Variants in ELAPOR2 observed in about 807,000 individuals in gnomAD.
The protein encoded by ELAPOR2 is endosome/lysosome-associated apoptosis and autophagy regulator family member 2.
ELAPOR2 carries 89 observed loss-of-function variants against 120.7 expected under a neutral mutation model. The observed-to-expected ratio is 0.74, with a 90% CI of 0.62 to 0.88. The LOEUF is 0.88. ELAPOR2 is among the 40% of genes least tolerant of loss of function. The pLI is 0.00. For missense variants in ELAPOR2, 1,134 were observed against 1,251.6 expected, an observed-to-expected ratio of 0.91 and a Z score of 1.42; for synonymous variants, 444 against 444.9, an observed-to-expected ratio of 1.00 and a Z score of 0.03.
chr7:87,023,581 G>GT (rs1335962365), intron 1 of ELAPOR2, among the ~76,000 whole-genome samples: 9 of 152,136 alleles, frequency 5.9e-5, no homozygotes, highest in African/African-American at 2.2e-4. Flanking sequence ...CTTTAAAGTA[G>GT]TTTTTTCCAG....
At chr7:87,040,413 G>C (rs932538657) in intron 1 of ELAPOR2, among the ~76,000 whole-genome samples, 13 of 152,346 alleles carry the variant, frequency 8.5e-5, no homozygotes, top group African/African-American at 2.2e-4. Context: ...CCAGCACGCA[G>C]CTGGAGATCT....
chr7:86,903,992 C>T (rs1386707700), intron 18 of ELAPOR2, among the ~76,000 whole-genome samples: 1 of 152,008 alleles, frequency 6.6e-6, no homozygotes, highest in African/African-American at 2.4e-5. Flanking sequence ...AAATCTCTGC[C>T]CATGAGGAAT....
intron 1 of ELAPOR2, among the ~76,000 whole-genome samples, chr7:87,005,397 A>T (rs1299111323): frequency 6.6e-6 from 1 of 151,886 alleles, no homozygotes; most frequent in Non-Finnish European, 1.5e-5. Flanking sequence ...TGAGAGAAGA[A>T]AATGGCATAT....
At chr7:87,032,558 A>G (rs1213662125) in intron 1 of ELAPOR2, among the ~76,000 whole-genome samples, 1 of 152,184 alleles carries the variant, frequency 6.6e-6, no homozygotes, top group Non-Finnish European at 1.5e-5. Flanking sequence ...ATGACATCAG[A>G]CTAACAAATC....
chr7:86,917,671 A>T (rs1429055327), intron 12 of ELAPOR2, among the ~76,000 whole-genome samples: 3 of 152,172 alleles, frequency 2.0e-5, no homozygotes, highest in Non-Finnish European at 2.9e-5. Context: ...CAAAGTGGAT[A>T]CTTTTTTTCA....
In ELAPOR2 at chr7:86,925,612, C is replaced by T. The variant is rs767602456; in HGVS notation, c.1315G>A (p.Glu439Lys). ...PAGTEPALGF[E>K]YKWWNVLPGN... is the part of the protein sequence containing the mutation. The stretch of plus-strand genomic sequence containing the variant: ...GGAAGGACATTCCACCATTTATATT[C>T]AAAGCCAAGTGCAGGCTCCGTTCCT... Residue 439 changes from glutamate to lysine, a missense_variant, in exon 10 of 22, where the codon GAA becomes AAA. This residue lies in a region of ELAPOR2 where 831 missense variants were observed against 867.6 expected (regional missense o/e 0.96). Coordinates refer to ENST00000450689, the MANE Select transcript of ELAPOR2 (RefSeq NM_001142749.3). The T allele has an allele frequency of 1.2e-6, 2 of 1,612,108 alleles. No individual in the cohort carries two copies. The highest frequency in any genetic ancestry group is 2.2e-5 in the East Asian group (1 of 44,808).
In ELAPOR2 at chr7:86,877,241, A is replaced by C. The variant is rs959523929; in HGVS notation, c.*3230T>G. On this transcript the variant is annotated 3_prime_UTR_variant, in exon 22 of 22. Coordinates refer to ENST00000450689, the MANE Select transcript of ELAPOR2 (RefSeq NM_001142749.3). ...GTAAAAATGTTAAAATAAAAGTAAA[A>C]TCCAGCAAGAGAATAATCTGTAGCC... 2 of 152,196 alleles carry C rather than the reference A, an allele frequency of 1.3e-5. No individual in the cohort carries two copies. The highest frequency in any genetic ancestry group is 4.8e-5 in the African/African-American group (2 of 41,446). 9.4% of individuals were successfully genotyped at this position (152,196 alleles called of 1,614,324 possible).
chr7:87,015,749 C>G (rs966185906), intron 1 of ELAPOR2, among the ~76,000 whole-genome samples: 3 of 152,164 alleles, frequency 2.0e-5, no homozygotes, highest in African/African-American at 7.2e-5. Flanking sequence ...CCCAGCTACT[C>G]AGGAGGCAGA....
At chr7:86,987,456 G>A (rs563684809) in intron 1 of ELAPOR2, among the ~76,000 whole-genome samples, 1 of 152,210 alleles carries the variant, frequency 6.6e-6, no homozygotes, top group East Asian at 1.9e-4. Flanking sequence ...ATCTGACAAA[G>A]GGCTAATATC....
At chr7:86,910,656 T>A (rs571371829) in intron 15 of ELAPOR2, among the ~76,000 whole-genome samples, 1 of 152,092 alleles carries the variant, frequency 6.6e-6, no homozygotes, top group Non-Finnish European at 1.5e-5. Flanking sequence ...ATATAACTTA[T>A]AAAAAATGGA....
At chr7:86,892,499 G>A (rs1487201915) in intron 20 of ELAPOR2, among the ~76,000 whole-genome samples, 2 of 151,988 alleles carry the variant, frequency 1.3e-5, no homozygotes, top group Non-Finnish European at 1.5e-5. Flanking sequence ...TGTGATATTT[G>A]CCTATACACT....
intron 1 of ELAPOR2, among the ~76,000 whole-genome samples, chr7:87,013,915 TGA>T (rs1793777611): frequency 6.6e-6 from 1 of 152,122 alleles, no homozygotes; most frequent in Non-Finnish European, 1.5e-5. Context: ...TGGAGTCACC[TGA>T]CACACACATT....
intron 15 of ELAPOR2, 76 bp downstream of exon 15, chr7:86,911,996 G>T: frequency 2.2e-6 from 3 of 1,377,434 alleles, no homozygotes; most frequent in Non-Finnish European, 2.0e-6. Context: ...GAATTTATTG[G>T]TCCATTAACA....
intron 1 of ELAPOR2, among the ~76,000 whole-genome samples, chr7:87,037,091 C>T (rs1241195677): frequency 6.6e-6 from 1 of 152,042 alleles, no homozygotes; most frequent in Non-Finnish European, 1.5e-5. Context: ...TCCTCAAATG[C>T]TTCTCACTCT....
intron 1 of ELAPOR2, among the ~76,000 whole-genome samples, chr7:86,985,578 A>G (rs915485668): frequency 2.0e-5 from 3 of 152,200 alleles, no homozygotes; most frequent in Non-Finnish European, 4.4e-5. Flanking sequence ...AAACAGAACC[A>G]TCGACAAAAA....
chr7:87,040,795 TC>T lies in ELAPOR2; in HGVS notation c.189+18529del, dbSNP rs1276721527. 3.3e-5 allele frequency among the ~76,000 whole-genome samples: 5 copies of T among 152,170 alleles called. No homozygotes were observed. The East Asian group carries it at 9.6e-4, about 29-fold the overall frequency. ...TTTGACGAGTTGAGAGAAGAAGGCT[TC>T]AGACAATCAAATTACTCTGAGCTAC... On this transcript the variant is annotated intron_variant, in intron 1 of 21. Transcript: ENST00000450689.
At chr7:86,944,713 T>C (rs1790932079) in intron 4 of ELAPOR2, among the ~76,000 whole-genome samples, 186 bp downstream of exon 4, 1 of 151,588 alleles carries the variant, frequency 6.6e-6, no homozygotes, top group Admixed American at 6.6e-5. Context: ...AAAGAAACAA[T>C]ATTAACCAGG....
rs760928278 is a variant in ELAPOR2 at position 86,897,555 on chromosome 7, G to A, written c.2636C>T (p.Thr879Met). ...WESAEACPLC[T>M]EHDFHEIEGA... ...CTCAATCTCATGGAAGTCATGCTCC[G>A]TACACAGAGGGCAAGCTTCAGCACT... The change falls in exon 19 of 22, where the codon ACG becomes ATG. Residue 879 changes from threonine to methionine, a missense_variant. Physicochemically the swap from Thr to Met is moderately conservative, Grantham distance 81. Transcript: ENST00000450689. 3.3e-5 allele frequency: 53 copies of A among 1,613,130 alleles called. No homozygotes were observed. The highest frequency in any genetic ancestry group is 2.0e-4 in the East Asian group (9 of 44,824).
intron 2 of ELAPOR2, among the ~76,000 whole-genome samples, chr7:86,954,888 T>C (rs780017898): frequency 5.3e-5 from 8 of 152,118 alleles, no homozygotes; most frequent in Admixed American, 1.3e-4. Flanking sequence ...GACGACACGC[T>C]GATGCTCTTG....
Sources: allele counts gnomAD v4.1 joint callset (sites outside exome capture counted in the v4.1 genomes callset), GRCh38; gene constraint gnomAD v4.1.1; regional missense constraint gnomAD v4.1.1; transcripts MANE v1.5; gene names NCBI Gene and HGNC (gene_info 2026-07-23, HGNC 2026-07-21).